The following PTCH1 variants were observed in gnomAD, a reference collection of about 807,000 sequenced individuals.
The protein encoded by PTCH1 is protein patched homolog 1.
In PTCH1, 14 loss-of-function variants were observed where a neutral mutation model predicts 144.6. The observed-to-expected ratio is 0.10, with a 90% confidence interval of 0.06 to 0.15. The LOEUF is 0.15. Ranked by LOEUF, PTCH1 falls within the 10% of genes least tolerant of loss-of-function variation. The pLI is 1.00. For synonymous variants in PTCH1, 833 were observed against 793.6 expected, an observed-to-expected ratio of 1.05 and a Z score of -0.83; for missense variants, 1,623 against 1,948.3, an observed-to-expected ratio of 0.83 and a Z score of 3.14.
intron 2 of PTCH1, among the ~76,000 whole-genome samples, chr9:95,492,438 G>A (rs746332970): frequency 1.3e-5 from 2 of 152,172 alleles, no homozygotes; most frequent in Non-Finnish European, 2.9e-5. Context: ...CCACATGGGT[G>A]GCTGAGATAG....
At chr9:95,466,326 CG>C (rs1839997880) in intron 15 of PTCH1, among the ~76,000 whole-genome samples, 1 of 152,042 alleles carries the variant, frequency 6.6e-6, no homozygotes, top group Non-Finnish European at 1.5e-5. Context: ...GGATTACAGG[CG>C]TGAGCCACTG....
rs1837686118 is a variant in PTCH1, at chr9:95,444,175, G to A, written c.*2218C>T. The A allele has an allele frequency of 6.6e-6, 1 of 151,772 alleles. No homozygotes were observed. Among genetic ancestry groups the A allele is most frequent in the Non-Finnish European group, 1.5e-5 (1 of 67,950 alleles). 9.4% of individuals were successfully genotyped at this position (151,772 alleles called of 1,614,324 possible). Reference sequence around the variant, plus strand: ...CAGACAAAATAAAACTATTAAAAGAGAGAGAGAAATTCTAATTCCCTGCCA... The same window carrying A: ...CAGACAAAATAAAACTATTAAAAGAAAGAGAGAAATTCTAATTCCCTGCCA... On this transcript the variant is annotated 3_prime_UTR_variant, in exon 24 of 24. Coordinates refer to ENST00000331920, the MANE Select transcript of PTCH1 (RefSeq NM_000264.5).
chr9:95,499,096 C>T (rs1448197652), intron 2 of PTCH1, among the ~76,000 whole-genome samples: 1 of 152,126 alleles, frequency 6.6e-6, no homozygotes, highest in Non-Finnish European at 1.5e-5. Context: ...TGTCCATGCG[C>T]CACGGTAAGC....
chr9:95,479,832 T>C (rs1185061030), intron 7 of PTCH1, 137 bp downstream of exon 7: 5 of 1,424,022 alleles, frequency 3.5e-6, no homozygotes, highest in Non-Finnish European at 4.9e-6. Flanking sequence ...TTCTTAATAT[T>C]CTATGACGCC....
chr9:95,499,327 T>C (rs944813006), intron 2 of PTCH1, among the ~76,000 whole-genome samples: 2 of 150,888 alleles, frequency 1.3e-5, no homozygotes, highest in Non-Finnish European at 2.9e-5. Flanking sequence ...CAGCTCTGTA[T>C]CTAGTATCTC....
In PTCH1 at chr9:95,449,232, G is replaced by A. The variant is rs200029534; in HGVS notation, c.3641C>T (p.Thr1214Met). ...GTCGGAGGAATCAGACCCGCTGTGC[G>A]TGTGGCCGGGCGGCATGGCGAAGCG... ...VVRFAMPPGH[T>M]HSGSDSSDSE... The change falls in exon 22 of 24, where the codon ACG becomes ATG. Residue 1214 changes from threonine to methionine, a missense_variant. Thr to Met is a moderately conservative substitution (Grantham distance 81). Coordinates refer to ENST00000331920, the MANE Select transcript of PTCH1 (RefSeq NM_000264.5). This position sits in a 1 kb window ranked among gnomAD's most constrained non-coding sequence, Gnocchi z 5.3. 1.6e-4 allele frequency: 255 copies of A among 1,589,366 alleles called. 2 individuals carry two copies. The South Asian group carries it at 2.5e-3, about 16-fold the overall frequency.
Position 95,479,096 on chromosome 9 carries a change from G to A in PTCH1, c.1119C>T (p.Tyr373=), listed in dbSNP as rs2066831. Residue 373 remains tyrosine, a synonymous_variant, in exon 8 of 24, where the codon TAC becomes TAT. Coordinates refer to ENST00000331920, the MANE Select transcript of PTCH1 (RefSeq NM_000264.5). ...CATACTCGTACCCCTTGAAGTGCTC[G>A]TACATTTGCTTGGGAGTCATTAACT... The part of the protein sequence containing the change: ...MFQLMTPKQM[Y]EHFKGYEYVS... The A allele has an allele frequency of 1.1e-3, 1,803 of 1,614,086 alleles. 19 individuals are homozygous for A. The African/African-American group carries it at 0.022, about 19-fold the overall frequency.
At chr9:95,514,900 G>T (rs757111193) in intron 1 of PTCH1, among the ~76,000 whole-genome samples, 1 of 152,172 alleles carries the variant, frequency 6.6e-6, no homozygotes, top group Non-Finnish European at 1.5e-5. Context: ...AATTGAGAAT[G>T]GCGGGGCCTA....
chr9:95,487,376 C>A (rs1453360073), intron 2 of PTCH1, among the ~76,000 whole-genome samples: 1 of 152,194 alleles, frequency 6.6e-6, no homozygotes. Flanking sequence ...AGGGCCTTGC[C>A]ATCAATGTGA....
Position 95,506,470 on chromosome 9 carries a change from C to T in PTCH1, c.331G>A (p.Ala111Thr), listed in dbSNP as rs777897973. ...GCTGCTTTTAATCCCACCGCGAAGG[C>T]CCCAAATATGAGGAGGCCCACAACC... ...FLVVGLLIFG[A>T]FAVGLKAANL... Residue 111 changes from alanine (A) to threonine (T), a missense_variant, in exon 2 of 24, where the codon GCC becomes ACC. By Grantham distance (58) the Ala-to-Thr change is moderately conservative (BLOSUM62 0). Around this residue, in one of 7 missense-constraint regions of PTCH1, gnomAD observed 245 missense variants for 240.6 expected, o/e 1.02. Coordinates refer to ENST00000331920, the MANE Select transcript of PTCH1 (RefSeq NM_000264.5). The T allele has an allele frequency of 1.9e-6, 3 of 1,613,590 alleles. No homozygotes were observed. The highest frequency in any genetic ancestry group is 1.3e-5 in the African/African-American group (1 of 75,020).
chr9:95,467,769 A>ATT (rs986332160), intron 14 of PTCH1, among the ~76,000 whole-genome samples: 2 of 149,702 alleles, frequency 1.3e-5, no homozygotes, highest in African/African-American at 4.9e-5. Flanking sequence ...ACGCCTGGCT[A>ATT]TTTTTTTTTG....
chr9:95,446,710 G>A (rs952551601), intron 23 of PTCH1: 5 of 678,628 alleles, frequency 7.4e-6, no homozygotes, highest in East Asian at 2.7e-5. Context: ...GAAGAGAGCA[G>A]TGTGGAGCTG....
At position 95,486,352 on chromosome 9, in the gene PTCH1, C is replaced by A. The variant is rs529960355; in HGVS notation, c.395-478G>T. ...TGGAAAAAGAAACAAGGAAAGGTGG[C>A]CAGTGTGTGTTCAGCACAAAACTTG... On this transcript the variant is annotated intron_variant, in intron 2 of 23. Coordinates refer to ENST00000331920, the MANE Select transcript of PTCH1 (RefSeq NM_000264.5). Among the ~76,000 whole-genome samples the A allele has an allele frequency of 2.0e-5, 3 of 152,362 alleles. No individual in the cohort carries two copies. The South Asian group carries it at 6.2e-4, about 32-fold the overall frequency.
intron 2 of PTCH1, among the ~76,000 whole-genome samples, chr9:95,497,178 C>T (rs934005853): frequency 4.6e-5 from 7 of 152,096 alleles, no homozygotes; most frequent in East Asian, 1.9e-4. Context: ...AAAACATGTT[C>T]GTATTAATTT....
At position 95,449,207 on chromosome 9, in the gene PTCH1, G is replaced by A. The variant is rs777377921; in HGVS notation, c.3666C>T (p.Asp1222=). 67 of 1,605,106 alleles carry A rather than the reference G, an allele frequency of 4.2e-5. No individual in the cohort carries two copies. In the South Asian group the frequency reaches 7.0e-4, roughly 17 times the overall value. ...GHTHSGSDSS[D]SEYSSQTTVS... is the part of the protein sequence containing the mutation. ...CTGTCGTCTGGGAACTATACTCCGA[G>A]TCGGAGGAATCAGACCCGCTGTGCG... The change falls in exon 22 of 24, where the codon GAC becomes GAT. Residue 1222 remains aspartate, a synonymous_variant. Coordinates refer to ENST00000331920, the MANE Select transcript of PTCH1 (RefSeq NM_000264.5). This position sits in a 1 kb window ranked among gnomAD's most constrained non-coding sequence, Gnocchi z 5.3.
At chr9:95,506,286 G>A in intron 2 of PTCH1, 121 bp downstream of exon 2, 1 of 1,157,388 alleles carries the variant, frequency 8.6e-7, no homozygotes, top group Non-Finnish European at 1.2e-6. Context: ...ACAATCCCCC[G>A]GGTGCGGGCA....
chr9:95,456,219 A>G (rs2136646155), intron 19 of PTCH1, 57 bp downstream of exon 19: 1 of 1,606,072 alleles, frequency 6.2e-7, no homozygotes, highest in South Asian at 1.1e-5. Flanking sequence ...AGACAAACAG[A>G]GCCAGAGGAA....
intron 2 of PTCH1, among the ~76,000 whole-genome samples, chr9:95,505,990 C>A (rs996247430): frequency 1.4e-5 from 2 of 147,126 alleles, no homozygotes; most frequent in African/African-American, 4.9e-5. Context: ...TTTCTTTGGA[C>A]GCGGTGGGTG....
rs56386406 is a variant in PTCH1 at position 95,450,072 on chromosome 9, A to C, written c.3450-132T>G. The stretch of plus-strand genomic sequence containing the variant: ...CACCCCACTGAAAAGGCTGTTATCC[A>C]ACCGCAGTTCACATTCAACACAAGG... On this transcript the variant is annotated intron_variant, in intron 20 of 23. Coordinates refer to ENST00000331920, the MANE Select transcript of PTCH1 (RefSeq NM_000264.5). 861 of 817,942 alleles carry C rather than the reference A, an allele frequency of 1.1e-3. 6 individuals carry two copies. The African/African-American group carries it at 0.013, about 12-fold the overall frequency. The allele number at this position is 817,942 out of a possible 1,614,324, so 50.7% of individuals were successfully genotyped here.
Sources: allele counts gnomAD v4.1 joint callset (sites outside exome capture counted in the v4.1 genomes callset), GRCh38; gene constraint gnomAD v4.1.1; regional missense constraint gnomAD v4.1.1; non-coding constraint Gnocchi (gnomAD v3.1); transcripts MANE v1.5; gene names NCBI Gene and HGNC (gene_info 2026-07-23, HGNC 2026-07-21).